The following SATB2 variants were observed in gnomAD, a reference collection of about 807,000 sequenced individuals.
SATB2 encodes the protein SATB homeobox 2, also known as DNA-binding protein SATB2.
SATB2 carries 1 observed loss-of-function variant against 73.4 expected under a neutral mutation model. The ratio of observed to expected loss-of-function variants is 0.01; its 90% CI spans 0.00 to 0.06. The LOEUF is 0.06. Among genes scored for constraint, SATB2 ranks in the 10% least tolerant of loss-of-function variants. The pLI is 1.00. For missense variants in SATB2, 459 were observed against 945.8 expected (o/e 0.49, Z 6.75); for synonymous variants, 397 against 367.0 (o/e 1.08, Z -0.93).
At chr2:199,310,509 T>C (rs1687567759) in intron 9 of SATB2, among the ~76,000 whole-genome samples, 1 of 152,118 alleles carries the variant, frequency 6.6e-6, no homozygotes, top group African/African-American at 2.4e-5. Context: ...AGAAAATAAA[T>C]TATAGTTTTA....
intron 6 of SATB2, among the ~76,000 whole-genome samples, chr2:199,357,552 G>T (rs1352701323): frequency 3.3e-5 from 5 of 152,110 alleles, no homozygotes; most frequent in Non-Finnish European, 7.4e-5. Flanking sequence ...GCCACATGTA[G>T]ATGGGTCCAT....
intron 3 of SATB2, among the ~76,000 whole-genome samples, chr2:199,406,590 A>C (rs372007411): frequency 2.0e-5 from 3 of 152,330 alleles, no homozygotes; most frequent in Admixed American, 6.5e-5. Flanking sequence ...GGAAGGCATA[A>C]TATAATAAAT....
At chr2:199,379,635 G>A (rs950142368) in intron 5 of SATB2, among the ~76,000 whole-genome samples, 1 of 150,804 alleles carries the variant, frequency 6.6e-6, no homozygotes, top group African/African-American at 2.4e-5. Context: ...TGAAATATGT[G>A]AGAAGTTAAT....
chr2:199,348,721 C>A lies in SATB2; in HGVS notation c.1153G>T (p.Val385Leu). Reference protein sequence around the residue: ...ASVSQAVFARVAFNRTQGLLS... With the variant: ...ASVSQAVFARLAFNRTQGLLS... The stretch of plus-strand genomic sequence containing the variant: ...TGTACCTGTGTGCGGTTGAATGCCA[C>A]TCTTGCAAAGACAGCTTGGGACACA... Residue 385 changes from valine to leucine, a missense_variant, in exon 7 of 11, where the codon GTG becomes TTG. Physicochemically the swap from Val to Leu is conservative, Grantham distance 32. Transcript: ENST00000417098. 1 of 1,578,216 alleles carries A rather than the reference C, an allele frequency of 6.3e-7. No homozygotes were observed. The highest frequency in any genetic ancestry group is 1.2e-5 in the South Asian group (1 of 83,632).
chr2:199,427,129 C>T (rs1195936772), intron 3 of SATB2, among the ~76,000 whole-genome samples: 1 of 152,170 alleles, frequency 6.6e-6, no homozygotes, highest in Non-Finnish European at 1.5e-5. Context: ...CTGCCCACCT[C>T]AGCCTCCCAA....
In SATB2 at chr2:199,271,620, C is replaced by T. The variant is rs982044703; in HGVS notation, c.*591G>A. 2.0e-5 allele frequency: 3 copies of T among 152,218 alleles called. No homozygotes were observed. The highest frequency in any genetic ancestry group is 7.3e-5 in the African/African-American group (3 of 41,274). The allele number at this position is 152,218 out of a possible 1,614,324, so 9.4% of individuals were successfully genotyped here. Reference sequence around the variant, plus strand: ...AATAGGAATTCAAAAATAGTCACCCCACCCTGAGAGCAGGCCGCAGTTTAT... The same window carrying T: ...AATAGGAATTCAAAAATAGTCACCCTACCCTGAGAGCAGGCCGCAGTTTAT... On this transcript the variant is annotated 3_prime_UTR_variant, in exon 11 of 11. Coordinates refer to ENST00000417098, the MANE Select transcript of SATB2 (RefSeq NM_001172509.2).
At chr2:199,425,690 T>C (rs1691306120) in intron 3 of SATB2, among the ~76,000 whole-genome samples, 1 of 152,184 alleles carries the variant, frequency 6.6e-6, no homozygotes, top group Non-Finnish European at 1.5e-5. Flanking sequence ...GCCATAATTA[T>C]ATATCTATAT....
intron 3 of SATB2, among the ~76,000 whole-genome samples, chr2:199,385,860 C>G (rs1040913041): frequency 6.6e-6 from 1 of 152,090 alleles, no homozygotes; most frequent in Non-Finnish European, 1.5e-5. Flanking sequence ...CTGCTTGTCA[C>G]CTGTGAGACT....
chr2:199,275,841 T>C (rs1490558294), intron 10 of SATB2, among the ~76,000 whole-genome samples: 1 of 152,156 alleles, frequency 6.6e-6, no homozygotes, highest in African/African-American at 2.4e-5. Flanking sequence ...TGGGCATCTC[T>C]AAAGTGAAAC....
At chr2:199,317,060 G>T (rs191536601) in intron 9 of SATB2, among the ~76,000 whole-genome samples, 194 of 152,046 alleles carry the variant, frequency 1.3e-3, no homozygotes, top group East Asian at 6.6e-3. Flanking sequence ...CAGGGGTGGG[G>T]CGGTATGGGC....
chr2:199,391,455 AAAAAC>A (rs1690138137), intron 3 of SATB2, among the ~76,000 whole-genome samples: 2 of 151,640 alleles, frequency 1.3e-5, no homozygotes, highest in African/African-American at 2.4e-5. Flanking sequence ...AAAAAAAACA[AAAAAC>A]AAAAAACGAG....
At chr2:199,415,359 G>C (rs993204080) in intron 3 of SATB2, among the ~76,000 whole-genome samples, 2 of 152,296 alleles carry the variant, frequency 1.3e-5, no homozygotes, top group Middle Eastern at 3.4e-3. Context: ...TGGAGACCAA[G>C]TCATAAATTA....
chr2:199,456,679 A>G (rs1194121378), intron 1 of SATB2, among the ~76,000 whole-genome samples: 1 of 152,198 alleles, frequency 6.6e-6, no homozygotes, highest in East Asian at 1.9e-4. Context: ...CTAATTCCAC[A>G]TTAATAAGCA....
In SATB2 at chr2:199,390,131, TAAATA is replaced by T. The variant is rs372471171; in HGVS notation, c.347-8316_347-8312del. Among the ~76,000 whole-genome samples the T allele has an allele frequency of 5.0e-3, 760 of 152,252 alleles. 4 individuals are homozygous for T. The highest frequency in any genetic ancestry group is 0.017 in the African/African-American group (716 of 41,586). ...GAGAGAACAAAATTATTCCACAAAT[TAAATA>T]AAACTTTCTGAAGTTAGCATTTCAG... On this transcript the variant is annotated intron_variant, in intron 3 of 10. Transcript: ENST00000417098.
chr2:199,356,246 A>C (rs1242293044), intron 6 of SATB2, among the ~76,000 whole-genome samples: 1 of 151,282 alleles, frequency 6.6e-6, no homozygotes, highest in Non-Finnish European at 1.5e-5. Flanking sequence ...AAAAAAAAAA[A>C]AGAAAGAAAG....
chr2:199,300,699 G>A (rs1467679738), intron 10 of SATB2, among the ~76,000 whole-genome samples: 2 of 152,116 alleles, frequency 1.3e-5, no homozygotes, highest in Non-Finnish European at 2.9e-5. Context: ...TAAAAACCAA[G>A]AGAGTAAGGT....
intron 3 of SATB2, chr2:199,395,942 C>T (rs1450085822): frequency 6.6e-6 from 1 of 152,208 alleles, no homozygotes; most frequent in Non-Finnish European, 1.5e-5. Context: ...TCTCTCTGGT[C>T]TGTCCATGAT....
chr2:199,419,570 G>T (rs998072574), intron 3 of SATB2, among the ~76,000 whole-genome samples: 3 of 152,148 alleles, frequency 2.0e-5, no homozygotes, highest in Admixed American at 2.0e-4. Context: ...ATTACCTCGG[G>T]ATGTCCATGT....
chr2:199,432,659 G>A (rs185915552), intron 3 of SATB2, among the ~76,000 whole-genome samples: 7 of 152,134 alleles, frequency 4.6e-5, no homozygotes, highest in Non-Finnish European at 7.4e-5. Flanking sequence ...AAGGTTTGGG[G>A]AGAATTTTTG....
Sources: allele counts gnomAD v4.1 joint callset (sites outside exome capture counted in the v4.1 genomes callset), GRCh38; gene constraint gnomAD v4.1.1; transcripts MANE v1.5; gene names NCBI Gene and HGNC (gene_info 2026-07-23, HGNC 2026-07-21).